The following EPC1 variants were observed in gnomAD, a reference collection of about 807,000 sequenced individuals.
The protein encoded by EPC1 is enhancer of polycomb homolog 1.
Under a neutral mutation model 98.4 loss-of-function variants are expected in EPC1, and 12 were observed. That is an observed-to-expected ratio of 0.12 (90% CI 0.08 to 0.20). The LOEUF (loss-of-function observed/expected upper bound fraction) is 0.20, where lower values mean the gene tolerates loss of function less well. Ranked by LOEUF, EPC1 falls within the 10% of genes least tolerant of loss-of-function variation. The pLI is 1.00. For missense variants in EPC1, 729 were observed against 990.5 expected (o/e 0.74, Z 3.54); for synonymous variants, 357 against 363.9 (o/e 0.98, Z 0.21).
At chr10:32,275,874 T>C (rs776355777) in intron 10 of EPC1, among the ~76,000 whole-genome samples, 1 of 151,506 alleles carries the variant, frequency 6.6e-6, no homozygotes, top group South Asian at 2.1e-4. Context: ...GAGGTGGAGG[T>C]TGCAGTTAGC....
chr10:32,340,084 A>G (rs550285940), intron 1 of EPC1, among the ~76,000 whole-genome samples: 2 of 152,220 alleles, frequency 1.3e-5, no homozygotes, highest in Non-Finnish European at 2.9e-5. Flanking sequence ...TTCAGTCAGT[A>G]CTTGCTATAC....
In EPC1 at chr10:32,273,423, C is replaced by A. The variant is rs1375587640; in HGVS notation, c.1745-142G>T. 4 of 1,084,438 alleles carry A rather than the reference C, an allele frequency of 3.7e-6. No homozygotes were observed. The South Asian group carries it at 8.1e-5, about 22-fold the overall frequency. The allele number at this position is 1,084,438 out of a possible 1,614,324, so 67.2% of individuals were successfully genotyped here. ...ATCATGATCCTGCTAAAGATCACTT[C>A]CAAATGAAAATTTCTGCGTTTCTGC... On this transcript the variant is annotated intron_variant, in intron 10 of 13. Coordinates refer to ENST00000319778, the MANE Select transcript of EPC1 (RefSeq NM_001272004.3).
chr10:32,292,100 C>T (rs1834882949), intron 5 of EPC1: 1 of 152,482 alleles, frequency 6.6e-6, no homozygotes, highest in South Asian at 2.1e-4. Flanking sequence ...TCATTGTGTA[C>T]CTTGCCAAAT....
intron 1 of EPC1, among the ~76,000 whole-genome samples, chr10:32,358,549 G>A (rs1213773329): frequency 2.6e-5 from 4 of 151,160 alleles, no homozygotes; most frequent in Non-Finnish European, 2.9e-5. Context: ...GGAGGCTGAG[G>A]TGGGAGGATC....
At chr10:32,332,460 G>A (rs959315263) in intron 1 of EPC1, among the ~76,000 whole-genome samples, 1 of 152,196 alleles carries the variant, frequency 6.6e-6, no homozygotes, top group Non-Finnish European at 1.5e-5. Flanking sequence ...ACAGCACATG[G>A]CAGAAGTGAT....
intron 2 of EPC1, among the ~76,000 whole-genome samples, chr10:32,301,339 G>A (rs1835529980): frequency 6.6e-6 from 1 of 152,122 alleles, no homozygotes; most frequent in African/African-American, 2.4e-5. Context: ...GATTCACATA[G>A]AAAAGATGTC....
chr10:32,347,185 C>T (rs931464209), upstream of EPC1: 18 of 1,288,066 alleles, frequency 1.4e-5, no homozygotes, highest in Non-Finnish European at 1.8e-5. Context: ...CCCAGCCATT[C>T]CCCACACTGC....
chr10:32,363,823 T>C (rs903164088), intron 1 of EPC1, among the ~76,000 whole-genome samples: 1 of 152,074 alleles, frequency 6.6e-6, no homozygotes, highest in Non-Finnish European at 1.5e-5. Flanking sequence ...ATAGCTAAAC[T>C]TGCTCAATCT....
chr10:32,368,993 C>G (rs1420051057), intron 1 of EPC1, among the ~76,000 whole-genome samples: 1 of 152,162 alleles, frequency 6.6e-6, no homozygotes, highest in Non-Finnish European at 1.5e-5. Flanking sequence ...CTGAACAGAT[C>G]AGACAAAGCC....
At chr10:32,341,262 C>A (rs955128393) in intron 1 of EPC1, among the ~76,000 whole-genome samples, 7 of 152,134 alleles carry the variant, frequency 4.6e-5, no homozygotes, top group African/African-American at 2.4e-5. Flanking sequence ...CACATCTTTA[C>A]ATACATAAAA....
chr10:32,275,218 A>G (rs1311005768), intron 10 of EPC1, among the ~76,000 whole-genome samples: 1 of 152,262 alleles, frequency 6.6e-6, no homozygotes, highest in African/African-American at 2.4e-5. Flanking sequence ...ATTAGAAATC[A>G]ATGTGAATAA....
intron 10 of EPC1, among the ~76,000 whole-genome samples, chr10:32,280,469 G>A (rs1424612219): frequency 6.7e-6 from 1 of 149,734 alleles, no homozygotes; most frequent in Non-Finnish European, 1.5e-5. Context: ...GGCCAGGCAC[G>A]GTGGCTCACG....
chr10:32,300,486 T>C (rs1004367234), intron 2 of EPC1, among the ~76,000 whole-genome samples: 2 of 149,088 alleles, frequency 1.3e-5, no homozygotes, highest in African/African-American at 5.0e-5. Context: ...CAGGCTAGAG[T>C]GTAGTGGCGC....
At chr10:32,303,495 C>T (rs1835693589) in intron 2 of EPC1, among the ~76,000 whole-genome samples, 1 of 152,186 alleles carries the variant, frequency 6.6e-6, no homozygotes, top group Admixed American at 6.5e-5. Flanking sequence ...ACGAACTATT[C>T]ATATATCCAA....
chr10:32,297,213 ACAGG>A (rs1299005761), intron 2 of EPC1, among the ~76,000 whole-genome samples: 1 of 152,060 alleles, frequency 6.6e-6, no homozygotes, highest in Non-Finnish European at 1.5e-5. Flanking sequence ...CTAAAGAAAA[ACAGG>A]CAAATAGGTC....
intron 1 of EPC1, among the ~76,000 whole-genome samples, chr10:32,368,500 C>A (rs1016976898): frequency 6.6e-6 from 1 of 152,182 alleles, no homozygotes; most frequent in African/African-American, 2.4e-5. Context: ...AGGTTCCAGT[C>A]AAAACTACCT....
intron 2 of EPC1, among the ~76,000 whole-genome samples, chr10:32,295,941 T>C (rs1441747270): frequency 6.6e-6 from 1 of 150,964 alleles, no homozygotes; most frequent in Non-Finnish European, 1.5e-5. Context: ...TTTTTTTTCC[T>C]GAGACAGAGT....
At chr10:32,352,835 C>T (rs1839153370) in intron 1 of EPC1, among the ~76,000 whole-genome samples, 1 of 152,240 alleles carries the variant, frequency 6.6e-6, no homozygotes, top group Non-Finnish European at 1.5e-5. Flanking sequence ...GGCCAGGAAG[C>T]TGATAAGAGG....
chr10:32,331,572 A>G (rs1183488524), intron 1 of EPC1, among the ~76,000 whole-genome samples: 2 of 152,150 alleles, frequency 1.3e-5, no homozygotes, highest in African/African-American at 4.8e-5. Context: ...TAATATTACA[A>G]GTTGGTTTAC....
Sources: gnomAD v4.1 joint callset for allele counts (sites outside exome capture counted in the v4.1 genomes callset) on GRCh38, gnomAD v4.1.1 for gene constraint, MANE v1.5 for transcripts, NCBI Gene and HGNC (gene_info 2026-07-23, HGNC 2026-07-21) for gene names.